NKIRAS1: variants seen among roughly 807,000 people sequenced by gnomAD.
The protein encoded by NKIRAS1 is NF-kappa-B inhibitor-interacting Ras-like protein 1.
A neutral mutation model predicts 19.8 loss-of-function variants in NKIRAS1; 16 were observed. The observed-to-expected ratio is 0.81, with a 90% CI of 0.55 to 1.23. NKIRAS1 has a LOEUF of 1.23. Ranked by LOEUF, NKIRAS1 falls within the 50% of genes most tolerant of loss-of-function variation. The pLI, the probability that NKIRAS1 is intolerant of heterozygous loss-of-function variation, is 0.00. For missense variants in NKIRAS1, 184 were observed against 220.0 expected (o/e 0.84, Z 1.04); for synonymous variants, 88 against 79.0 (o/e 1.11, Z -0.61).
intron 1 of NKIRAS1, among the ~76,000 whole-genome samples, chr3:23,932,997 T>C (rs1705342511): frequency 6.6e-6 from 1 of 152,158 alleles, no homozygotes; most frequent in African/African-American, 2.4e-5. Flanking sequence ...GCAAATCAGC[T>C]GACTTTGAGA....
upstream of NKIRAS1, chr3:23,917,991 G>T (rs755759871): frequency 3.1e-6 from 5 of 1,611,494 alleles, no homozygotes; most frequent in Non-Finnish European, 4.2e-6. Flanking sequence ...GCCCCACCCG[G>T]CCTGATAAAG....
intron 4 of NKIRAS1, among the ~76,000 whole-genome samples, chr3:23,899,355 A>T (rs1702275812): frequency 6.6e-6 from 1 of 152,216 alleles, no homozygotes; most frequent in Non-Finnish European, 1.5e-5. Context: ...ACTTCTTAAA[A>T]CTGCATGTGA....
intron 1 of NKIRAS1, chr3:23,916,062 GAATCAATC>G (rs1179883761): frequency 6.6e-6 from 1 of 152,014 alleles, no homozygotes; most frequent in Non-Finnish European, 1.5e-5. Context: ...AATATTTGTT[GAATCAATC>G]AATGAACCAG....
At chr3:23,932,816 C>CTCCAAAA (rs1168292815) in intron 1 of NKIRAS1, among the ~76,000 whole-genome samples, 6 of 152,090 alleles carry the variant, frequency 3.9e-5, no homozygotes, top group Admixed American at 2.0e-4. Context: ...CTTCCTCTTC[C>CTCCAAAA]TCCAAAATCT....
At chr3:23,932,349 G>A (rs184999136) in intron 1 of NKIRAS1, among the ~76,000 whole-genome samples, 23 of 152,258 alleles carry the variant, frequency 1.5e-4, no homozygotes, top group African/African-American at 5.5e-4. Context: ...GTGATTTAAT[G>A]ACCTGAAGTG....
chr3:23,930,409 T>TA (rs1705288751), intron 1 of NKIRAS1, among the ~76,000 whole-genome samples: 1 of 152,022 alleles, frequency 6.6e-6, no homozygotes. Flanking sequence ...CATGGCAGTG[T>TA]TTTGCTTGAA....
chr3:23,941,091 G>T (rs1352377132), intron 1 of NKIRAS1, among the ~76,000 whole-genome samples: 1 of 152,228 alleles, frequency 6.6e-6, no homozygotes, highest in Non-Finnish European at 1.5e-5. Flanking sequence ...TGCTCATCTA[G>T]GGCATAGAAA....
In NKIRAS1 at chr3:23,892,414, C is replaced by T. The variant is rs1701535703; in HGVS notation, c.*681G>A. On this transcript the variant is annotated 3_prime_UTR_variant, in exon 5 of 5. Coordinates refer to ENST00000425478, the MANE Select transcript of NKIRAS1 (RefSeq NM_020345.4). ...AATCATTTTCAAGAGGAGGAGCAAA[C>T]AGTTTGCCCTCAAGTATCTGGTCTA... The T allele has an allele frequency of 6.6e-6, 1 of 152,052 alleles. No homozygotes were observed. The highest frequency in any genetic ancestry group is 1.5e-5 in the Non-Finnish European group (1 of 68,006). 9.4% of individuals were successfully genotyped at this position (152,052 alleles called of 1,614,324 possible). A position where few individuals can be genotyped will look rare whatever the true frequency, so the allele number is the denominator to read the frequency against.
chr3:23,900,153 C>G (rs931555192), intron 4 of NKIRAS1, among the ~76,000 whole-genome samples: 4 of 151,618 alleles, frequency 2.6e-5, no homozygotes, highest in African/African-American at 9.7e-5. Context: ...AAGAGAGAGA[C>G]TCAGTCTCAA....
chr3:23,919,917 C>CT (rs373934726), upstream of NKIRAS1: 1 of 990,388 alleles, frequency 1.0e-6, no homozygotes, highest in African/African-American at 1.7e-5. Flanking sequence ...CAGGTGTAGA[C>CT]TTTTTAAGTT....
intron 3 of NKIRAS1, among the ~76,000 whole-genome samples, chr3:23,909,458 CG>C (rs1267459617): frequency 1.3e-5 from 2 of 152,080 alleles, no homozygotes; most frequent in Non-Finnish European, 2.9e-5. Context: ...ACCTGGGAGG[CG>C]GAAGTTGCAG....
At chr3:23,919,120 G>C, upstream of NKIRAS1, 1 of 988,090 alleles carries the variant, frequency 1.0e-6, no homozygotes, top group Non-Finnish European at 1.6e-6. Flanking sequence ...AACTAGAGTT[G>C]AGAATTAAAA....
chr3:23,941,718 A>T (rs1161192798), intron 1 of NKIRAS1, among the ~76,000 whole-genome samples: 2 of 152,132 alleles, frequency 1.3e-5, no homozygotes, highest in African/African-American at 4.8e-5. Context: ...TCCAGTGGCC[A>T]GTGGTGTGGC....
At chr3:23,924,112 A>T (rs1214270902) in intron 1 of NKIRAS1, 1 of 152,236 alleles carries the variant, frequency 6.6e-6, no homozygotes, top group African/African-American at 2.4e-5. Context: ...TATTAATACA[A>T]GATGGGTGAA....
chr3:23,908,714 A>C (rs1703324934), intron 3 of NKIRAS1, among the ~76,000 whole-genome samples: 1 of 152,082 alleles, frequency 6.6e-6, no homozygotes, highest in Non-Finnish European at 1.5e-5. Context: ...GGGTCTCCTA[A>C]GTTGGAACAT....
At chr3:23,946,226 A>T (rs905554000) in intron 1 of NKIRAS1, 1 of 985,310 alleles carries the variant, frequency 1.0e-6, no homozygotes, top group African/African-American at 1.7e-5. Flanking sequence ...ACCGCAGTGC[A>T]CCGGACGCCG....
At chr3:23,910,773 C>G in intron 3 of NKIRAS1, 38 bp downstream of exon 3, 1 of 1,512,120 alleles carries the variant, frequency 6.6e-7, no homozygotes, top group Non-Finnish European at 9.2e-7. Context: ...CTGATAGCTC[C>G]CAGAACCTAG....
upstream of NKIRAS1, chr3:23,921,576 T>TG: frequency 3.2e-6 from 2 of 629,070 alleles, no homozygotes; most frequent in Admixed American, 2.4e-5. Flanking sequence ...TTGAGTTTTT[T>TG]TTTTTTTTTT....
upstream of NKIRAS1, chr3:23,920,406 A>G (rs1236186343): frequency 2.0e-6 from 2 of 985,308 alleles, no homozygotes; most frequent in African/African-American, 3.5e-5. Flanking sequence ...TGTTTTCTGC[A>G]GTTATTTCTC....
Sources: gnomAD v4.1 joint callset for allele counts (sites outside exome capture counted in the v4.1 genomes callset) on GRCh38, gnomAD v4.1.1 for gene constraint, MANE v1.5 for transcripts, NCBI Gene and HGNC (gene_info 2026-07-23, HGNC 2026-07-21) for gene names.